Variants in SFXN1 observed in about 807,000 individuals in gnomAD.
SFXN1 encodes sideroflexin 1.
Under a neutral mutation model 39.5 loss-of-function variants are expected in SFXN1, and 32 were observed. That is an observed-to-expected ratio of 0.81 (90% confidence interval 0.61 to 1.09). The LOEUF (loss-of-function observed/expected upper bound fraction) is 1.09. Among genes scored for constraint, SFXN1 ranks in the 50% least tolerant of loss-of-function variants. The probability of loss-of-function intolerance (pLI) is 0.00; values close to 1 mark genes in which losing one functional copy is unlikely to be tolerated. For missense variants in SFXN1, 402 were observed against 407.1 expected, an observed-to-expected ratio of 0.99 and a Z score of 0.11; for synonymous variants, 136 against 146.5, an observed-to-expected ratio of 0.93 and a Z score of 0.52.
intron 8 of SFXN1, among the ~76,000 whole-genome samples, chr5:175,521,137 A>G (rs1474312966): frequency 1.3e-5 from 2 of 152,134 alleles, no homozygotes; most frequent in Non-Finnish European, 2.9e-5. Context: ...CCTTATTTAT[A>G]TAACCATATA....
chr5:175,509,776 G>A (rs762936081), intron 3 of SFXN1, among the ~76,000 whole-genome samples: 8 of 152,168 alleles, frequency 5.3e-5, no homozygotes, highest in Non-Finnish European at 7.4e-5. Context: ...GCCCAGGACC[G>A]CTTAGCCTAC....
intron 2 of SFXN1, among the ~76,000 whole-genome samples, chr5:175,507,618 T>C (rs1331993775): frequency 6.6e-6 from 1 of 152,242 alleles, no homozygotes; most frequent in African/African-American, 2.4e-5. Context: ...TGACAATGAA[T>C]ACGTGCTTCT....
At chr5:175,496,535 T>C (rs1759866745) in intron 2 of SFXN1, among the ~76,000 whole-genome samples, 1 of 152,216 alleles carries the variant, frequency 6.6e-6, no homozygotes, top group Non-Finnish European at 1.5e-5. Flanking sequence ...TGCATTAACA[T>C]GTTTCATTTT....
intron 2 of SFXN1, among the ~76,000 whole-genome samples, chr5:175,493,968 G>A (rs1467459962): frequency 1.3e-5 from 2 of 152,184 alleles, no homozygotes; most frequent in African/African-American, 4.8e-5. Flanking sequence ...CCAGGCCGTG[G>A]ACTGGTGTTT....
chr5:175,507,727 T>G (rs548382643), intron 2 of SFXN1, among the ~76,000 whole-genome samples: 1 of 152,344 alleles, frequency 6.6e-6, no homozygotes, highest in Non-Finnish European at 1.5e-5. Context: ...AATCCAGCCC[T>G]TTGGAGGCCA....
intron 2 of SFXN1, among the ~76,000 whole-genome samples, chr5:175,501,785 C>T (rs777911886): frequency 1.3e-5 from 2 of 152,184 alleles, no homozygotes; most frequent in Admixed American, 6.5e-5. Flanking sequence ...GATGCTACTT[C>T]ACACCTACTT....
rs1759489855 is a variant in SFXN1 at position 175,487,347 on chromosome 5, C to CA, written c.-9-4746dup. On this transcript the variant is annotated intron_variant, in intron 1 of 10. Coordinates refer to ENST00000321442, the MANE Select transcript of SFXN1 (RefSeq NM_022754.7). Reference sequence around the variant, plus strand: ...AGCTTTGCAGGAATAAACGGTTTCCCAAGGAGGGGAGGTTTAACGTGTTGT... The same window carrying CA: ...AGCTTTGCAGGAATAAACGGTTTCCCAAAGGAGGGGAGGTTTAACGTGTTGT... Among the ~76,000 whole-genome samples, 9 of 152,328 alleles carry CA rather than the reference C, an allele frequency of 5.9e-5. No individual in the cohort carries two copies. The South Asian group carries it at 1.9e-3, about 32-fold the overall frequency.
At position 175,485,853 on chromosome 5, in the gene SFXN1, G is replaced by A. The variant is rs533843863; in HGVS notation, c.-9-6242G>A. ...GCTTCCCTTGCTGGAAAGATGGGGT[G>A]GCTTTGAATGACATCCCAGAATCTG... On this transcript the variant is annotated intron_variant, in intron 1 of 10. Transcript: ENST00000321442. Among the ~76,000 whole-genome samples the A allele has an allele frequency of 2.0e-5, 3 of 152,302 alleles. No homozygotes were observed. The East Asian group carries it at 5.8e-4, about 29-fold the overall frequency.
intron 1 of SFXN1, chr5:175,483,918 G>C (rs776245994): frequency 6.6e-6 from 1 of 152,292 alleles, no homozygotes; most frequent in African/African-American, 2.4e-5. Flanking sequence ...TTCAGGTGCC[G>C]TGAAGCTGAT....
At chr5:175,484,194 G>C (rs1353943131) in intron 1 of SFXN1, 2 of 152,234 alleles carry the variant, frequency 1.3e-5, no homozygotes, top group Admixed American at 1.3e-4. Context: ...CCTAGGTCAT[G>C]AAAGACTGTG....
intron 2 of SFXN1, among the ~76,000 whole-genome samples, chr5:175,505,571 A>AATAATAATAATAATTATT (rs1365757735): frequency 7.4e-6 from 1 of 135,724 alleles, no homozygotes; most frequent in African/African-American, 3.0e-5. Context: ...TAATAATAAT[A>AATAATAATAATAATTATT]ATTCTAAGGT....
At chr5:175,512,342 T>TG in intron 6 of SFXN1, 146 bp downstream of exon 6, 1 of 743,442 alleles carries the variant, frequency 1.3e-6, no homozygotes. Context: ...TGAAATACTC[T>TG]GGGGTTGGGG....
intron 1 of SFXN1, among the ~76,000 whole-genome samples, chr5:175,490,422 G>T (rs572882753): frequency 6.6e-6 from 1 of 152,222 alleles, no homozygotes; most frequent in African/African-American, 2.4e-5. Flanking sequence ...GACCTAACAT[G>T]CTCAGTTTTG....
At chr5:175,503,383 C>A (rs1469609855) in intron 2 of SFXN1, among the ~76,000 whole-genome samples, 1 of 151,896 alleles carries the variant, frequency 6.6e-6, no homozygotes, top group Non-Finnish European at 1.5e-5. Flanking sequence ...TGCAAAAATC[C>A]AAAGTAAAAC....
chr5:175,513,358 G>C (rs902972571), intron 6 of SFXN1, 105 bp from the exon 7 acceptor site: 4 of 1,151,808 alleles, frequency 3.5e-6, no homozygotes, highest in Admixed American at 2.3e-5. Context: ...ACACTTGAGT[G>C]GGTATTTGAA....
chr5:175,489,346 A>C (rs1156422565), intron 1 of SFXN1, among the ~76,000 whole-genome samples: 2 of 152,210 alleles, frequency 1.3e-5, no homozygotes, highest in African/African-American at 4.8e-5. Flanking sequence ...TTGTAACTTC[A>C]AAATGTGGCT....
At position 175,527,551 on chromosome 5, in the gene SFXN1, A is replaced by G. The variant is rs1761104463; in HGVS notation, c.*817A>G. On this transcript the variant is annotated 3_prime_UTR_variant, in exon 11 of 11. Coordinates refer to ENST00000321442, the MANE Select transcript of SFXN1 (RefSeq NM_022754.7). Reference sequence around the variant, plus strand: ...GAAGTATATTCAATACCAATGCTGTATGAGTGGGCTGAATCCAGTTCATTG... The same window carrying G: ...GAAGTATATTCAATACCAATGCTGTGTGAGTGGGCTGAATCCAGTTCATTG... 1 of 152,188 alleles carries G rather than the reference A, an allele frequency of 6.6e-6. No homozygotes were observed. Among genetic ancestry groups the G allele is most frequent in the African/African-American group, 2.4e-5 (1 of 41,454 alleles). The allele number at this position is 152,188 out of a possible 1,614,324, so 9.4% of individuals were successfully genotyped here. A position where few individuals can be genotyped will look rare whatever the true frequency, so the allele number is the denominator to read the frequency against.
intron 3 of SFXN1, 91 bp from the exon 4 acceptor site, chr5:175,510,018 C>G (rs981448029): frequency 1.0e-5 from 10 of 999,946 alleles, no homozygotes; most frequent in African/African-American, 1.6e-5. Context: ...CCCAGTACGT[C>G]TCCTCTCTGG....
intron 2 of SFXN1, among the ~76,000 whole-genome samples, chr5:175,495,717 A>C (rs1759832210): frequency 7.5e-6 from 1 of 132,968 alleles, no homozygotes; most frequent in South Asian, 2.7e-4. Flanking sequence ...CAACAGAGCA[A>C]GACTTCGTCT....
Sources: gnomAD v4.1 joint callset for allele counts (sites outside exome capture counted in the v4.1 genomes callset) on GRCh38, gnomAD v4.1.1 for gene constraint, MANE v1.5 for transcripts, NCBI Gene and HGNC (gene_info 2026-07-23, HGNC 2026-07-21) for gene names.